Variants in PC observed in about 807,000 individuals in gnomAD.
PC encodes pyruvate carboxylase.
Under a neutral mutation model 107.8 loss-of-function variants are expected in PC, and 46 were observed. That is an observed-to-expected ratio of 0.43 (90% CI 0.34 to 0.55). The LOEUF is 0.55. Ranked by LOEUF, PC falls within the 20% of genes least tolerant of loss-of-function variation. The pLI is 0.04. For missense variants in PC, 1,241 were observed against 1,643.1 expected (o/e 0.76, Z 4.23); for synonymous variants, 662 against 684.7 (o/e 0.97, Z 0.52).
At chr11:66,906,371 T>A (rs1035897470) in intron 3 of PC, among the ~76,000 whole-genome samples, 1 of 151,982 alleles carries the variant, frequency 6.6e-6, no homozygotes, top group Non-Finnish European at 1.5e-5. Context: ...CAAAGATCCA[T>A]CCTGATCGGT....
At chr11:66,937,238 CA>C (rs747407292) in intron 3 of PC, among the ~76,000 whole-genome samples, 3 of 152,080 alleles carry the variant, frequency 2.0e-5, no homozygotes, top group Non-Finnish European at 4.4e-5. Flanking sequence ...AGGTCAGGAC[CA>C]TCTAAGACTC....
At chr11:66,877,411 C>T (rs945216799) in intron 3 of PC, among the ~76,000 whole-genome samples, 12 of 152,134 alleles carry the variant, frequency 7.9e-5, no homozygotes, top group East Asian at 3.9e-4. Flanking sequence ...CAAAAAAAGC[C>T]GGGCACAGTG....
At chr11:66,868,783 GC>G (rs2135928465) in intron 10 of PC, 62 bp downstream of exon 10, 1 of 1,336,598 alleles carries the variant, frequency 7.5e-7, no homozygotes, top group African/African-American at 1.4e-5. Context: ...GAGCCACTTC[GC>G]CTGTACTTTA....
In PC at chr11:66,850,021, C is replaced by T. The variant is rs773927959; in HGVS notation, c.2814G>A (p.Leu938=). 1.9e-6 allele frequency: 3 copies of T among 1,613,686 alleles called. No homozygotes were observed. The highest frequency in any genetic ancestry group is 2.5e-6 in the Non-Finnish European group (3 of 1,180,036). The change falls in exon 20 of 23, where the codon CTG becomes CTA. Residue 938 remains leucine (L), a synonymous_variant. Coordinates refer to ENST00000393960, the MANE Select transcript of PC (RefSeq NM_001040716.2). ...RAEAEAQAEE[L]SFPRSVVEFL... ...ACTCCACCACGGAGCGGGGAAAGGACAGCTCTTCCGCCTGAGCTTCGGCCT... is the reference window on the plus strand; with the variant it reads ...ACTCCACCACGGAGCGGGGAAAGGATAGCTCTTCCGCCTGAGCTTCGGCCT...
intron 3 of PC, among the ~76,000 whole-genome samples, chr11:66,947,353 G>A (rs1442041693): frequency 1.3e-5 from 2 of 152,060 alleles, no homozygotes; most frequent in Non-Finnish European, 2.9e-5. Context: ...GGAGGCCGAG[G>A]CGGGAGGATC....
intron 3 of PC, among the ~76,000 whole-genome samples, chr11:66,877,525 TA>T (rs1591207410): frequency 2.0e-5 from 3 of 152,230 alleles, no homozygotes; most frequent in Non-Finnish European, 4.4e-5. Context: ...CCATCTCTAC[TA>T]AAAAATACAA....
intron 16 of PC, 67 bp from the exon 17 acceptor site, chr11:66,851,347 C>G: frequency 1.3e-6 from 2 of 1,593,800 alleles, no homozygotes; most frequent in East Asian, 4.5e-5. Flanking sequence ...TTCCCTGGCT[C>G]CTTCCTGACC....
intron 12 of PC, among the ~76,000 whole-genome samples, chr11:66,863,500 C>A (rs1211467865): frequency 6.6e-6 from 1 of 152,148 alleles, no homozygotes; most frequent in Non-Finnish European, 1.5e-5. Flanking sequence ...CGTGGGTCTC[C>A]CCGGAACAAG....
chr11:66,916,301 G>A (rs185230271), intron 3 of PC, among the ~76,000 whole-genome samples: 1 of 152,270 alleles, frequency 6.6e-6, no homozygotes, highest in African/African-American at 2.4e-5. Context: ...GCCCAGGCTG[G>A]TCTTCACCTC....
chr11:66,952,922 G>A (rs1258947557), intron 2 of PC, among the ~76,000 whole-genome samples: 1 of 152,182 alleles, frequency 6.6e-6, no homozygotes, highest in Non-Finnish European at 1.5e-5. Flanking sequence ...CCCACTGCCT[G>A]GACTGCACCT....
In PC at chr11:66,866,452, G is replaced by A. The variant is rs1406071489; in HGVS notation, c.1023-103C>T. On this transcript the variant is annotated intron_variant, in intron 10 of 22. Coordinates refer to ENST00000393960, the MANE Select transcript of PC (RefSeq NM_001040716.2). This position sits in a 1 kb window ranked among gnomAD's most constrained non-coding sequence, Gnocchi z 5.4. ...GCAGCCAGTGGGGCGTCCACACACA[G>A]TGCGACTCCTGCCCATAGGCTCTGG... The A allele has an allele frequency of 1.2e-6, 1 of 832,056 alleles. No individual in the cohort carries two copies. 51.5% of individuals were successfully genotyped at this position (832,056 alleles called of 1,614,324 possible). A position where few individuals can be genotyped will look rare whatever the true frequency, so the allele number is the denominator to read the frequency against.
chr11:66,903,773 A>AAATATAT (rs1555039098), intron 3 of PC, among the ~76,000 whole-genome samples: 1 of 62,532 alleles, frequency 1.6e-5, no homozygotes, highest in Non-Finnish European at 2.9e-5. Context: ...AAAAAAAAAA[A>AAATATAT]ATATATATAT....
intron 11 of PC, among the ~76,000 whole-genome samples, chr11:66,864,450 G>A (rs1193254466): frequency 7.2e-5 from 11 of 152,296 alleles, no homozygotes; most frequent in Admixed American, 5.9e-4. Flanking sequence ...GACCATGTGC[G>A]AGGCAAGAGG....
chr11:66,922,296 C>T (rs183987654), intron 3 of PC, among the ~76,000 whole-genome samples: 9 of 152,048 alleles, frequency 5.9e-5, no homozygotes, highest in East Asian at 5.8e-4. Context: ...GAGCCTAGAC[C>T]GGGCACAGTG....
chr11:66,886,789 G>C (rs907008600), intron 3 of PC, among the ~76,000 whole-genome samples: 2 of 152,170 alleles, frequency 1.3e-5, no homozygotes, highest in Admixed American at 6.5e-5. Flanking sequence ...GGAAAGAACA[G>C]ACAGCTAGAC....
chr11:66,908,682 G>A (rs1948240960), intron 3 of PC, among the ~76,000 whole-genome samples: 1 of 152,146 alleles, frequency 6.6e-6, no homozygotes, highest in Non-Finnish European at 1.5e-5. Context: ...TTGGTCGGAG[G>A]TCTTGCATGG....
chr11:66,858,842 G>A lies in PC; in HGVS notation c.1368+4932C>T. 6.4e-7 allele frequency: 1 copy of A among 1,551,884 alleles called. No individual in the cohort carries two copies. The highest frequency in any genetic ancestry group is 8.7e-7 in the Non-Finnish European group (1 of 1,149,254). On this transcript the variant is annotated intron_variant, in intron 12 of 22. Transcript: ENST00000393960. The surrounding 1 kb of genome is among the most constrained non-coding windows in gnomAD (Gnocchi z 5.9). The stretch of plus-strand genomic sequence containing the variant: ...GTGAGGCCACAGCCCGAGTAGAACT[G>A]CGGGTGCTGGCCTTGCCCCATGGTG...
chr11:66,849,394 A>G, intron 21 of PC, 24 bp from the exon 22 acceptor site: 3 of 1,611,524 alleles, frequency 1.9e-6, no homozygotes, highest in Non-Finnish European at 2.5e-6. Flanking sequence ...GTGCAGACTC[A>G]GAGCTGGACG....
In PC at chr11:66,863,840, T is replaced by C. The variant is rs763006790; in HGVS notation, c.1302A>G (p.Lys434=). The C allele has an allele frequency of 1.2e-6, 2 of 1,613,550 alleles. No individual in the cohort carries two copies. Among genetic ancestry groups the C allele is most frequent in the Non-Finnish European group, 8.5e-7 (1 of 1,179,904 alleles). ...TCTTGGTGGCGGCCGTGGGGTGGTC[T>C]TTGCCGTGGGCAATGACTTTGACCA... The part of the protein sequence containing the change: ...SLLVKVIAHG[K]DHPTAATKMS... The change falls in exon 12 of 23, where the codon AAA becomes AAG. Residue 434 remains lysine (K), a synonymous_variant. Transcript: ENST00000393960.
Sources: allele counts gnomAD v4.1 joint callset (sites outside exome capture counted in the v4.1 genomes callset), GRCh38; gene constraint gnomAD v4.1.1; non-coding constraint Gnocchi (gnomAD v3.1); transcripts MANE v1.5; gene names NCBI Gene and HGNC (gene_info 2026-07-23, HGNC 2026-07-21).